The following LYPD6 variants were observed in gnomAD, a reference collection of about 807,000 sequenced individuals.
LYPD6 encodes ly6/PLAUR domain-containing protein 6.
A neutral mutation model predicts 22.7 loss-of-function variants in LYPD6; 15 were observed. That is an observed-to-expected ratio of 0.66 (90% confidence interval 0.44 to 1.02). The LOEUF is 1.02. Among genes scored for constraint, LYPD6 ranks in the 50% least tolerant of loss-of-function variants. LYPD6 has a pLI of 0.00. For missense variants in LYPD6, 189 were observed against 208.4 expected, an observed-to-expected ratio of 0.91 and a Z score of 0.57; for synonymous variants, 72 against 77.5, an observed-to-expected ratio of 0.93 and a Z score of 0.37.
intron 1 of LYPD6, among the ~76,000 whole-genome samples, chr2:149,415,123 G>A (rs775826208): frequency 4.6e-5 from 7 of 152,170 alleles, no homozygotes; most frequent in Admixed American, 6.5e-5. Context: ...CTGTCCAATG[G>A]GAAAGAGACA....
At chr2:149,418,061 G>C (rs1239941728) in intron 1 of LYPD6, among the ~76,000 whole-genome samples, 1 of 152,182 alleles carries the variant, frequency 6.6e-6, no homozygotes, top group Non-Finnish European at 1.5e-5. Flanking sequence ...TGGTAAGCAG[G>C]ACTGATTGTA....
intron 3 of LYPD6, among the ~76,000 whole-genome samples, chr2:149,450,523 A>T (rs549730880): frequency 1.3e-5 from 2 of 152,326 alleles, no homozygotes; most frequent in South Asian, 2.1e-4. Flanking sequence ...TTAGGTAGAG[A>T]TGATAATAGG....
At chr2:149,371,985 G>A (rs1681820530) in intron 1 of LYPD6, among the ~76,000 whole-genome samples, 5 of 152,082 alleles carry the variant, frequency 3.3e-5, no homozygotes, top group Admixed American at 2.6e-4. Flanking sequence ...CAAACCCAGG[G>A]GAGATGGCTC....
intron 1 of LYPD6, among the ~76,000 whole-genome samples, chr2:149,412,969 A>G (rs571645939): frequency 6.6e-6 from 1 of 152,268 alleles, no homozygotes; most frequent in African/African-American, 2.4e-5. Context: ...AAGACCAATC[A>G]TAGCAACTGT....
At chr2:149,482,129 C>T in the LYPD6 span, among the ~76,000 whole-genome samples, 6 of 152,104 alleles carry the variant, frequency 3.9e-5, no homozygotes, top group Non-Finnish European at 5.9e-5. Context: ...TCTTTTAAAA[C>T]TACTTACTTT....
intron 1 of LYPD6, among the ~76,000 whole-genome samples, chr2:149,378,345 T>C (rs960732826): frequency 2.0e-5 from 3 of 152,176 alleles, no homozygotes; most frequent in African/African-American, 7.2e-5. Flanking sequence ...TTCGAACTCC[T>C]TGGCTCAAGC....
intron 1 of LYPD6, among the ~76,000 whole-genome samples, chr2:149,399,778 T>G (rs909776316): frequency 1.3e-5 from 2 of 151,890 alleles, no homozygotes; most frequent in African/African-American, 4.8e-5. Flanking sequence ...TAGAGGGACA[T>G]AAAGAGACTT....
intron 1 of LYPD6, among the ~76,000 whole-genome samples, chr2:149,377,614 T>C (rs1435216401): frequency 6.6e-6 from 1 of 152,184 alleles, no homozygotes. Flanking sequence ...ACCCCGCCTC[T>C]ACTACAAATA....
chr2:149,332,637 T>C (rs1438487805), intron 1 of LYPD6, among the ~76,000 whole-genome samples: 2 of 152,224 alleles, frequency 1.3e-5, no homozygotes, highest in Admixed American at 6.5e-5. Flanking sequence ...TCAAATTCTT[T>C]CCTACCTCAC....
At chr2:149,336,445 A>AGAT (rs75185145) in intron 1 of LYPD6, among the ~76,000 whole-genome samples, 9,375 of 152,328 alleles carry the variant, frequency 0.062, 322 homozygotes, top group East Asian at 0.14. Flanking sequence ...TCCCATCAGC[A>AGAT]GATAGCATAG....
At chr2:149,399,666 A>G (rs889088444) in intron 1 of LYPD6, among the ~76,000 whole-genome samples, 4 of 150,406 alleles carry the variant, frequency 2.7e-5, no homozygotes, top group Non-Finnish European at 5.9e-5. Flanking sequence ...AAAGTGGAAA[A>G]AAACCAAATA....
chr2:149,401,940 A>G (rs1056016934), intron 1 of LYPD6, among the ~76,000 whole-genome samples: 1 of 151,900 alleles, frequency 6.6e-6, no homozygotes, highest in African/African-American at 2.4e-5. Flanking sequence ...TAGCTCCAAC[A>G]TATGAGTGAG....
intron 1 of LYPD6, among the ~76,000 whole-genome samples, chr2:149,373,217 G>GT (rs1317589467): frequency 6.6e-6 from 1 of 152,160 alleles, no homozygotes; most frequent in East Asian, 1.9e-4. Flanking sequence ...GGAAGGGCCA[G>GT]TGCCTGGAGA....
chr2:149,402,972 C>T (rs1573775408), intron 1 of LYPD6, among the ~76,000 whole-genome samples: 1 of 150,386 alleles, frequency 6.6e-6, no homozygotes. Flanking sequence ...TGAGTGAGAA[C>T]ATGCAGTGTT....
intron 1 of LYPD6, among the ~76,000 whole-genome samples, chr2:149,421,536 T>C (rs1683079822): frequency 6.6e-6 from 1 of 152,202 alleles, no homozygotes; most frequent in African/African-American, 2.4e-5. Flanking sequence ...TTGCACCTAC[T>C]AGGTTGAGCC....
Position 149,336,928 on chromosome 2 carries a change from C to CGT in LYPD6, c.-72+6237_-72+6238dup, listed in dbSNP as rs1553513649. On this transcript the variant is annotated intron_variant, in intron 1 of 4. Transcript: ENST00000334166. ...TAAAAAGGGCAGCATGTTGAAATAACGTGTGTGTGTGTGTGTGTGTGTGTG... is the reference window on the plus strand; with the variant it reads ...TAAAAAGGGCAGCATGTTGAAATAACGTGTGTGTGTGTGTGTGTGTGTGTGTG... 4.2e-4 allele frequency among the ~76,000 whole-genome samples: 63 copies of CGT among 148,562 alleles called. 1 individual carries two copies. Among genetic ancestry groups the CGT allele is most frequent in the Admixed American group, 6.7e-4 (10 of 14,878 alleles).
At chr2:149,434,402 T>C (rs1345828220) in intron 1 of LYPD6, among the ~76,000 whole-genome samples, 8 of 152,228 alleles carry the variant, frequency 5.3e-5, no homozygotes, top group Non-Finnish European at 8.8e-5. Flanking sequence ...CTGTGTACTT[T>C]ACTATGAATA....
intron 1 of LYPD6, among the ~76,000 whole-genome samples, chr2:149,401,801 T>C (rs980272162): frequency 7.9e-5 from 12 of 152,142 alleles, no homozygotes; most frequent in African/African-American, 2.9e-4. Flanking sequence ...GAGATTTTGG[T>C]GCACCCAACA....
At chr2:149,454,770 G>T (rs898411423) in intron 3 of LYPD6, among the ~76,000 whole-genome samples, 3 of 152,144 alleles carry the variant, frequency 2.0e-5, no homozygotes, top group Non-Finnish European at 4.4e-5. Context: ...ACAATAGAAG[G>T]TAGAAGTTAA....
Sources: allele counts gnomAD v4.1 joint callset (sites outside exome capture counted in the v4.1 genomes callset), GRCh38; gene constraint gnomAD v4.1.1; transcripts MANE v1.5; gene names NCBI Gene and HGNC (gene_info 2026-07-23, HGNC 2026-07-21).